MERTK: variants seen among roughly 807,000 people sequenced by gnomAD.
MERTK encodes tyrosine-protein kinase Mer.
A neutral mutation model predicts 99.3 loss-of-function variants in MERTK; 69 were observed. That is an observed-to-expected ratio of 0.70 (90% confidence interval 0.57 to 0.85). The LOEUF is 0.85. Ranked by LOEUF, MERTK falls within the 40% of genes least tolerant of loss-of-function variation. The pLI is 0.00. For missense variants in MERTK, 1,125 were observed against 1,249.4 expected (o/e 0.90, Z 1.50); for synonymous variants, 426 against 467.6 (o/e 0.91, Z 1.15).
rs1163160240 is a variant in MERTK, at chr2:111,968,221, G to T, written c.929G>T (p.Gly310Val). Residue 310 changes from glycine to valine, a missense_variant, in exon 6 of 19, where the codon GGA becomes GTA. Transcript: ENST00000295408. Reference sequence around the variant, plus strand: ...ATCTCCTGGGTTCCTGGTTTTGATGGATACTCCCCGTTCAGGAATTGCAGC... The same window carrying T: ...ATCTCCTGGGTTCCTGGTTTTGATGTATACTCCCCGTTCAGGAATTGCAGC... Reference protein sequence around the residue: ...ILISWVPGFDGYSPFRNCSIQ... With the variant: ...ILISWVPGFDVYSPFRNCSIQ... 6.2e-7 allele frequency: 1 copy of T among 1,613,876 alleles called. No homozygotes were observed. The highest frequency in any genetic ancestry group is 1.3e-5 in the African/African-American group (1 of 74,966).
At chr2:111,910,415 G>T (rs1041869194) in intron 1 of MERTK, among the ~76,000 whole-genome samples, 1 of 151,810 alleles carries the variant, frequency 6.6e-6, no homozygotes, top group Admixed American at 6.6e-5. Flanking sequence ...GATTACAGGC[G>T]CCTGCCACCA....
chr2:111,904,891 C>G (rs1455321601), intron 1 of MERTK, among the ~76,000 whole-genome samples: 1 of 152,218 alleles, frequency 6.6e-6, no homozygotes, highest in Non-Finnish European at 1.5e-5. Flanking sequence ...AGCCAACCCT[C>G]AGGTGCCCGG....
At chr2:112,012,433 C>T (rs186511797) in intron 15 of MERTK, among the ~76,000 whole-genome samples, 5 of 151,806 alleles carry the variant, frequency 3.3e-5, no homozygotes, top group African/African-American at 1.2e-4. Context: ...TTGGCTTGTT[C>T]ATTATAACAT....
intron 1 of MERTK, among the ~76,000 whole-genome samples, chr2:111,904,735 G>A (rs980991707): frequency 1.3e-5 from 2 of 152,164 alleles, no homozygotes; most frequent in Admixed American, 6.5e-5. Context: ...TCAGTTGGCT[G>A]CAACATAGAG....
chr2:111,961,529 C>T (rs1685251490), intron 4 of MERTK, among the ~76,000 whole-genome samples: 1 of 152,058 alleles, frequency 6.6e-6, no homozygotes, highest in South Asian at 2.1e-4. Flanking sequence ...GGAAGTATTC[C>T]TCGTCTTTGA....
At chr2:112,008,557 A>G (rs963028510) in intron 14 of MERTK, 82 bp downstream of exon 14, 1 of 1,040,072 alleles carries the variant, frequency 9.6e-7, no homozygotes, top group South Asian at 1.3e-5. Context: ...TCTCTGGTGT[A>G]GATAAGTTTA....
chr2:111,958,677 A>G lies in MERTK; in HGVS notation c.758-6514A>G, dbSNP rs538621907. 2.6e-5 allele frequency among the ~76,000 whole-genome samples: 4 copies of G among 152,326 alleles called. No homozygotes were observed. The East Asian group carries it at 5.8e-4, about 22-fold the overall frequency. On this transcript the variant is annotated intron_variant, in intron 4 of 18. Transcript: ENST00000295408. The stretch of plus-strand genomic sequence containing the variant: ...AGATTGTTTTTTTGACCTTGGGTGC[A>G]CTATGAAAAGAAACACACAGGAGAA...
At chr2:111,997,731 G>T (rs1326746389) in intron 10 of MERTK, among the ~76,000 whole-genome samples, 1 of 152,204 alleles carries the variant, frequency 6.6e-6, no homozygotes, top group Non-Finnish European at 1.5e-5. Flanking sequence ...AAACTGGATT[G>T]CTGTTAAGTG....
At chr2:111,954,963 CCCTT>C (rs1400348081) in intron 4 of MERTK, among the ~76,000 whole-genome samples, 1 of 152,064 alleles carries the variant, frequency 6.6e-6, no homozygotes. Context: ...ATACCTGAGT[CCCTT>C]CCAGTAATTC....
At chr2:111,928,350 C>A (rs544214054) in intron 1 of MERTK, among the ~76,000 whole-genome samples, 2 of 150,242 alleles carry the variant, frequency 1.3e-5, no homozygotes, top group East Asian at 3.9e-4. Flanking sequence ...CTCAGCCCCC[C>A]AAATAGCTGG....
intron 7 of MERTK, 79 bp downstream of exon 7, chr2:111,975,551 A>G (rs973831222): frequency 6.7e-7 from 1 of 1,481,508 alleles, no homozygotes; most frequent in African/African-American, 1.4e-5. Flanking sequence ...CCTGACTGAG[A>G]GTTGAAACTT....
intron 15 of MERTK, among the ~76,000 whole-genome samples, chr2:112,017,584 C>T (rs1031135617): frequency 7.9e-5 from 12 of 151,750 alleles, no homozygotes; most frequent in South Asian, 6.3e-4. Context: ...GAGCTCAGAT[C>T]GCGCCACTGC....
intron 9 of MERTK, chr2:111,994,634 C>A: frequency 1.8e-6 from 1 of 550,732 alleles, no homozygotes; most frequent in Admixed American, 2.3e-5. Context: ...TTAAAATTTG[C>A]TGGGCATGGT....
chr2:111,912,675 C>T (rs1684273875), intron 1 of MERTK, among the ~76,000 whole-genome samples: 1 of 152,192 alleles, frequency 6.6e-6, no homozygotes, highest in South Asian at 2.1e-4. Context: ...CTAAACAGAT[C>T]TGAGAATACT....
intron 17 of MERTK, 55 bp downstream of exon 17, chr2:112,021,636 G>A: frequency 6.7e-7 from 1 of 1,500,324 alleles, no homozygotes. Flanking sequence ...AGGGCATATT[G>A]AAAGAAATGA....
chr2:112,019,036 C>G (rs1677276350), intron 15 of MERTK, among the ~76,000 whole-genome samples: 1 of 151,644 alleles, frequency 6.6e-6, no homozygotes, highest in Non-Finnish European at 1.5e-5. Context: ...ACACACACAC[C>G]TCGCCGCTGC....
At chr2:111,930,041 G>T (rs1413465091) in intron 2 of MERTK, 1 of 153,438 alleles carries the variant, frequency 6.5e-6, no homozygotes, top group Non-Finnish European at 1.4e-5. Flanking sequence ...GCTTGGCAGT[G>T]TTGGAACTGT....
intron 5 of MERTK, among the ~76,000 whole-genome samples, chr2:111,967,850 A>T (rs1480319749): frequency 6.6e-6 from 1 of 152,174 alleles, no homozygotes; most frequent in Non-Finnish European, 1.5e-5. Context: ...AAAGGACATG[A>T]GTATTTCCAC....
At chr2:112,026,478 G>A (rs1236829962) in intron 18 of MERTK, among the ~76,000 whole-genome samples, 2 of 152,106 alleles carry the variant, frequency 1.3e-5, no homozygotes, top group Admixed American at 6.5e-5. Flanking sequence ...AGGCTGTTTG[G>A]AAAACAGAGT....
Sources: allele counts gnomAD v4.1 joint callset (sites outside exome capture counted in the v4.1 genomes callset), GRCh38; gene constraint gnomAD v4.1.1; transcripts MANE v1.5; gene names NCBI Gene and HGNC (gene_info 2026-07-23, HGNC 2026-07-21).